The following TXK variants were observed in gnomAD, a reference collection of about 807,000 sequenced individuals.
TXK encodes the protein TXK tyrosine kinase.
TXK carries 60 observed loss-of-function variants against 81.0 expected under a neutral mutation model. The observed-to-expected ratio is 0.74, with a 90% CI of 0.60 to 0.92. The LOEUF is 0.92. Ranked by LOEUF, TXK falls within the 40% of genes least tolerant of loss-of-function variation. The probability of loss-of-function intolerance (pLI) is 0.00; values close to 1 mark genes in which losing one functional copy is unlikely to be tolerated. For missense variants in TXK, 581 were observed against 638.3 expected (o/e 0.91, Z 0.97); for synonymous variants, 203 against 210.7 (o/e 0.96, Z 0.32).
At chr4:48,122,065 C>A (rs1718976789) in intron 1 of TXK, among the ~76,000 whole-genome samples, 1 of 152,186 alleles carries the variant, frequency 6.6e-6, no homozygotes, top group African/African-American at 2.4e-5. Context: ...AGCCTCCTAA[C>A]TTCTTCCTGC....
intron 1 of TXK, among the ~76,000 whole-genome samples, chr4:48,128,756 A>C (rs941469311): frequency 2.0e-5 from 3 of 151,392 alleles, no homozygotes; most frequent in East Asian, 1.9e-4. Context: ...TTTAGTAGAG[A>C]CGGGGTTTCA....
At chr4:48,089,688 A>G in intron 9 of TXK, 62 bp downstream of exon 9, 1 of 1,397,242 alleles carries the variant, frequency 7.2e-7, no homozygotes, top group Non-Finnish European at 1.0e-6. Flanking sequence ...CACCGCACCC[A>G]GCCAGGTAGA....
At chr4:48,099,267 A>T (rs1313752455) in intron 6 of TXK, among the ~76,000 whole-genome samples, 2 of 152,230 alleles carry the variant, frequency 1.3e-5, no homozygotes, top group Non-Finnish European at 2.9e-5. Flanking sequence ...ACAAAAGATG[A>T]AATACTTTAA....
chr4:48,071,561 C>G lies in TXK; in HGVS notation c.1471G>C (p.Ala491Pro), dbSNP rs1188178413. 1 of 1,614,096 alleles carries G rather than the reference C, an allele frequency of 6.2e-7. No homozygotes were observed. Among genetic ancestry groups the G allele is most frequent in the Admixed American group, 1.7e-5 (1 of 60,008 alleles). Residue 491 changes from alanine to proline, a missense_variant, in exon 14 of 15, where the codon GCA becomes CCA. By Grantham distance (27) the Ala-to-Pro change is conservative. Coordinates refer to ENST00000264316, the MANE Select transcript of TXK (RefSeq NM_003328.3). ...EGFRLYRPHL[A>P]PMSIYEVMYS... The stretch of plus-strand genomic sequence containing the variant: ...ATGACTTCATATATGGACATTGGTG[C>G]CAGGTGAGGGCGATATAGCCTGAAG...
chr4:48,127,536 T>C (rs1031527236), intron 1 of TXK, among the ~76,000 whole-genome samples: 1 of 152,100 alleles, frequency 6.6e-6, no homozygotes, highest in Admixed American at 6.5e-5. Context: ...TTTGCCAGAG[T>C]GACAAAAATG....
At chr4:48,071,815 C>G in intron 13 of TXK, 141 bp from the exon 14 acceptor site, 1 of 893,374 alleles carries the variant, frequency 1.1e-6, no homozygotes, top group South Asian at 1.7e-5. Context: ...GCGGTTCTGT[C>G]AAGGAAGCAA....
chr4:48,094,333 T>A, intron 7 of TXK, 129 bp from the exon 8 acceptor site: 1 of 1,035,612 alleles, frequency 9.7e-7, no homozygotes, highest in Non-Finnish European at 1.4e-6. Context: ...GTAGATTGGC[T>A]AAATTCAACA....
intron 8 of TXK, among the ~76,000 whole-genome samples, chr4:48,090,620 G>C (rs924245484): frequency 6.6e-6 from 1 of 152,036 alleles, no homozygotes; most frequent in Non-Finnish European, 1.5e-5. Flanking sequence ...CCTGGTATGC[G>C]CTTTCAATAA....
intron 6 of TXK, among the ~76,000 whole-genome samples, chr4:48,102,089 C>T (rs749034304): frequency 2.0e-5 from 3 of 152,068 alleles, no homozygotes; most frequent in Non-Finnish European, 4.4e-5. Flanking sequence ...AGCGATTCTC[C>T]TGCCTCAGCC....
chr4:48,076,120 C>T (rs571017846), intron 12 of TXK, among the ~76,000 whole-genome samples: 19 of 152,056 alleles, frequency 1.2e-4, no homozygotes, highest in African/African-American at 4.3e-4. Flanking sequence ...TTTTTCTTCA[C>T]GTTTCTCAGT....
chr4:48,106,235 C>CA (rs1718454289), intron 5 of TXK: 2 of 152,068 alleles, frequency 1.3e-5, no homozygotes, highest in Admixed American at 1.3e-4. Context: ...TCTAATATTG[C>CA]CAGATAGAAG....
Position 48,071,673 on chromosome 4 carries a change from T to A in TXK, c.1359A>T (p.Gly453=), listed in dbSNP as rs748475373. 6.2e-7 allele frequency: 1 copy of A among 1,613,338 alleles called. No individual in the cohort carries two copies. Among genetic ancestry groups the A allele is most frequent in the East Asian group, 2.2e-5 (1 of 44,882 alleles). ...YSSKSDVWSF[G]VLMWEVFTEG... ...CTGTAAAAACTTCCCACATTAAAAC[T>A]CCTGCAAACAAAAATGCAGGAAAAC... The change falls in exon 14 of 15, where the codon GGA becomes GGT. Residue 453 remains glycine (G), a splice_region_variant and synonymous_variant. Coordinates refer to ENST00000264316, the MANE Select transcript of TXK (RefSeq NM_003328.3).
chr4:48,076,515 AAG>A lies in TXK; in HGVS notation c.1174-51_1174-50del, dbSNP rs767801747. ...AAGTTTGAATACAAGCTTTTATTTC[AAG>A]AGTTTTTCCTCTCCTTTTCCTTAGG... On this transcript the variant is annotated intron_variant, in intron 11 of 14. Coordinates refer to ENST00000264316, the MANE Select transcript of TXK (RefSeq NM_003328.3). The A allele has an allele frequency of 7.1e-6, 11 of 1,543,776 alleles. No individual in the cohort carries two copies. In the East Asian group the frequency reaches 2.2e-4, roughly 32 times the overall value.
At chr4:48,100,871 T>C (rs1288265750) in intron 6 of TXK, among the ~76,000 whole-genome samples, 1 of 152,084 alleles carries the variant, frequency 6.6e-6, no homozygotes, top group Non-Finnish European at 1.5e-5. Flanking sequence ...GGAGGACATG[T>C]TTTGTGTACT....
intron 1 of TXK, among the ~76,000 whole-genome samples, chr4:48,127,864 C>T (rs1312705555): frequency 1.3e-5 from 2 of 152,190 alleles, no homozygotes; most frequent in Non-Finnish European, 2.9e-5. Context: ...CCCCTCTGTC[C>T]TCTAGGAGAG....
intron 1 of TXK, among the ~76,000 whole-genome samples, chr4:48,119,900 A>C (rs1369222478): frequency 6.6e-6 from 1 of 152,184 alleles, no homozygotes; most frequent in Non-Finnish European, 1.5e-5. Flanking sequence ...AGGCCACAGG[A>C]TGCAAAACCA....
intron 8 of TXK, among the ~76,000 whole-genome samples, chr4:48,091,736 C>T (rs753916876): frequency 3.3e-5 from 5 of 152,108 alleles, no homozygotes; most frequent in Non-Finnish European, 5.9e-5. Context: ...AACTCCTGAC[C>T]TCAGGTGATC....
intron 10 of TXK, among the ~76,000 whole-genome samples, chr4:48,080,784 C>CGT (rs1201950831): frequency 2.6e-5 from 4 of 150,960 alleles, no homozygotes; most frequent in Admixed American, 6.6e-5. Context: ...GTTTTGTGTG[C>CGT]GTGTGTGTGT....
chr4:48,069,082 C>A (rs766668419), intron 14 of TXK, among the ~76,000 whole-genome samples: 1 of 152,116 alleles, frequency 6.6e-6, no homozygotes, highest in Non-Finnish European at 1.5e-5. Flanking sequence ...CTTTGGGAGG[C>A]CAAGGTAGGA....
Sources: gnomAD v4.1 joint callset for allele counts (sites outside exome capture counted in the v4.1 genomes callset) on GRCh38, gnomAD v4.1.1 for gene constraint, MANE v1.5 for transcripts, NCBI Gene and HGNC (gene_info 2026-07-23, HGNC 2026-07-21) for gene names.